The following ZNF536 variants were observed in gnomAD, a reference collection of about 807,000 sequenced individuals.
ZNF536 encodes zinc finger protein 536.
A neutral mutation model predicts 84.5 loss-of-function variants in ZNF536; 13 were observed. The observed-to-expected ratio is 0.15, with a 90% CI of 0.10 to 0.24. The LOEUF is 0.24. Ranked by LOEUF, ZNF536 falls within the 10% of genes least tolerant of loss-of-function variation. The pLI is 1.00. For missense variants in ZNF536, 1,536 were observed against 1,747.5 expected (o/e 0.88, Z 2.16); for synonymous variants, 811 against 742.5 (o/e 1.09, Z -1.50).
At chr19:30,470,274 CAAG>C (rs2053578258) in intron 2 of ZNF536, among the ~76,000 whole-genome samples, 1 of 152,170 alleles carries the variant, frequency 6.6e-6, no homozygotes, top group Non-Finnish European at 1.5e-5. Flanking sequence ...AGAAAAGTTG[CAAG>C]AAGAGTCCAA....
chr19:30,344,728 T>G (rs2047686249), intron 2 of ZNF536, among the ~76,000 whole-genome samples: 1 of 152,090 alleles, frequency 6.6e-6, no homozygotes, highest in Admixed American at 6.5e-5. Context: ...AGGTTCCCCA[T>G]GGGCAGAAGG....
intron 2 of ZNF536, among the ~76,000 whole-genome samples, chr19:30,299,811 G>A (rs1268225792): frequency 6.6e-6 from 1 of 152,162 alleles, no homozygotes; most frequent in Non-Finnish European, 1.5e-5. Flanking sequence ...AATCCATTAT[G>A]CCATGGTACA....
chr19:30,576,206 G>A (rs191535929), intron 1 of ZNF536, among the ~76,000 whole-genome samples: 18 of 152,342 alleles, frequency 1.2e-4, no homozygotes, highest in African/African-American at 4.3e-4. Context: ...AGGCTGCTGG[G>A]CGTGGGGGAC....
chr19:30,365,157 A>G (rs1379118330), intron 3 of ZNF536, among the ~76,000 whole-genome samples: 2 of 152,236 alleles, frequency 1.3e-5, no homozygotes, highest in Non-Finnish European at 2.9e-5. Flanking sequence ...CAGGGTATAA[A>G]TAGAGTTCAT....
intron 1 of ZNF536, among the ~76,000 whole-genome samples, chr19:30,640,759 A>G (rs370651079): frequency 1.3e-5 from 2 of 152,226 alleles, no homozygotes; most frequent in East Asian, 3.9e-4. Flanking sequence ...TTTCACAGAG[A>G]TCAGAGGCAC....
intron 2 of ZNF536, among the ~76,000 whole-genome samples, chr19:30,455,208 A>G (rs1473567752): frequency 6.6e-6 from 1 of 152,228 alleles, no homozygotes; most frequent in Non-Finnish European, 1.5e-5. Context: ...ACAGATAAAT[A>G]AAAAATAAAA....
chr19:30,709,155 G>A lies in ZNF536; in HGVS notation c.170-1602G>A, dbSNP rs886347710. ...GGCTGTGACGCATCAGGGTAGAGAT[G>A]TTGCGCTTGGAGGATTAGGTGAACG... is the stretch of plus-strand genomic sequence containing the variant. On this transcript the variant is annotated intron_variant, in intron 1 of 1. Transcript: ENST00000592773. Among the ~76,000 whole-genome samples the A allele has an allele frequency of 2.0e-5, 3 of 152,158 alleles. No individual in the cohort carries two copies. In the East Asian group the frequency reaches 5.8e-4, roughly 29 times the overall value.
chr19:30,705,609 A>T (rs1329358642), intron 1 of ZNF536, among the ~76,000 whole-genome samples: 1 of 152,188 alleles, frequency 6.6e-6, no homozygotes, highest in East Asian at 1.9e-4. Context: ...AAGCTCAAAT[A>T]TGAGGATAAA....
chr19:30,590,270 C>T (rs1247237711), intron 1 of ZNF536, among the ~76,000 whole-genome samples: 1 of 152,160 alleles, frequency 6.6e-6, no homozygotes, highest in African/African-American at 2.4e-5. Context: ...GAATAAACAC[C>T]CAAGTGCTGT....
chr19:30,301,540 G>A (rs1036686483), intron 2 of ZNF536, among the ~76,000 whole-genome samples: 1 of 152,198 alleles, frequency 6.6e-6, no homozygotes, highest in Non-Finnish European at 1.5e-5. Context: ...GGAAGGATGA[G>A]GTGAGATGTG....
In ZNF536 at chr19:30,384,192, C is replaced by T. The variant is rs369799365; in HGVS notation, c.-3+11636C>T. 4.7e-4 allele frequency among the ~76,000 whole-genome samples: 28 copies of T among 59,804 alleles called. 2 individuals carry two copies. In the East Asian group the frequency reaches 5.8e-3, roughly 12 times the overall value. 39.2% of individuals were successfully genotyped at this position (59,804 alleles called of 152,430 possible). A position where few individuals can be genotyped will look rare whatever the true frequency, so the allele number is the denominator to read the frequency against. On this transcript the variant is annotated intron_variant, in intron 1 of 4. Coordinates refer to ENST00000355537, the MANE Select transcript of ZNF536 (RefSeq NM_014717.3). ...TTCCTTCTTTCTTTCTTTCTCCTTC[C>T]TTCCTTCCTTCCATCCTCCCTCCCT...
chr19:30,530,331 T>TTTGTTGTTGTTGTTGTTG (rs140017176), intron 2 of ZNF536, among the ~76,000 whole-genome samples: 22 of 151,306 alleles, frequency 1.5e-4, no homozygotes, highest in African/African-American at 4.6e-4. Context: ...TCTCTGTCTT[T>TTTGTTGTTGTTGTTGTTG]TTGTTGTTGT....
intron 4 of ZNF536, among the ~76,000 whole-genome samples, chr19:30,552,556 C>T (rs1170794640): frequency 4.6e-5 from 7 of 152,222 alleles, no homozygotes; most frequent in South Asian, 2.1e-4. Flanking sequence ...TGGCATCTCA[C>T]CCTATTCTGT....
At position 30,236,536 on chromosome 19, in the gene ZNF536, G is replaced by C. The variant is rs541477560; in HGVS notation, c.-190+7863G>C. On this transcript the variant is annotated intron_variant, in intron 1 of 5. Coordinates refer to the ZNF536 transcript ENST00000585628. ...CTTTTGTTAAAGTTGGGGCGGGGGG[G>C]GGGTACAATTGGAATTTTAGTTCCA... 9.3e-5 allele frequency among the ~76,000 whole-genome samples: 14 copies of C among 149,896 alleles called. 1 individual carries two copies. Among genetic ancestry groups the C allele is most frequent in the East Asian group, 7.7e-4 (4 of 5,166 alleles).
intron 1 of ZNF536, among the ~76,000 whole-genome samples, chr19:30,685,127 C>T (rs1182480743): frequency 1.3e-5 from 2 of 152,140 alleles, no homozygotes; most frequent in Non-Finnish European, 1.5e-5. Flanking sequence ...GGGGAGGGGT[C>T]TTTATCAAAT....
At chr19:30,451,595 G>A (rs1480985909) in intron 2 of ZNF536, among the ~76,000 whole-genome samples, 4 of 152,218 alleles carry the variant, frequency 2.6e-5, no homozygotes, top group Admixed American at 2.0e-4. Flanking sequence ...CATCAGAGAT[G>A]TGTGGCATAA....
intron 1 of ZNF536, among the ~76,000 whole-genome samples, chr19:30,410,727 C>T (rs2050457920): frequency 1.3e-5 from 2 of 151,996 alleles, no homozygotes; most frequent in Admixed American, 6.5e-5. Flanking sequence ...ATCCGCCCGC[C>T]TCGGCCTCCC....
chr19:30,695,070 G>A (rs550166963), intron 1 of ZNF536, among the ~76,000 whole-genome samples: 4 of 152,060 alleles, frequency 2.6e-5, no homozygotes, highest in Non-Finnish European at 5.9e-5. Flanking sequence ...TGAGATTGGG[G>A]TTACTAAAGG....
chr19:30,425,602 T>C (rs1005390159), intron 1 of ZNF536, among the ~76,000 whole-genome samples: 1 of 152,128 alleles, frequency 6.6e-6, no homozygotes, highest in Non-Finnish European at 1.5e-5. Context: ...CTCTTCTTGG[T>C]AGCAAAACAG....
Sources: gnomAD v4.1 joint callset for allele counts (sites outside exome capture counted in the v4.1 genomes callset) on GRCh38, gnomAD v4.1.1 for gene constraint, MANE v1.5 for transcripts, NCBI Gene and HGNC (gene_info 2026-07-23, HGNC 2026-07-21) for gene names.